The following MAP7 variants were observed in gnomAD, a reference collection of about 807,000 sequenced individuals.
The protein encoded by MAP7 is ensconsin.
In MAP7, 52 loss-of-function variants were observed where a neutral mutation model predicts 94.8. That is an observed-to-expected ratio of 0.55 (90% CI 0.44 to 0.69). MAP7 has a LOEUF of 0.69. MAP7 is among the 30% of genes least tolerant of loss of function. MAP7 has a pLI of 0.00. For missense variants in MAP7, 940 were observed against 964.6 expected (o/e 0.97, Z 0.34); for synonymous variants, 350 against 357.0 (o/e 0.98, Z 0.22).
At chr6:136,548,088 A>G (rs1411048760) in intron 1 of MAP7, among the ~76,000 whole-genome samples, 4 of 101,670 alleles carry the variant, frequency 3.9e-5, no homozygotes, top group African/African-American at 1.4e-4. Context: ...ACGGCCACCC[A>G]CCACCACCAC....
intron 11 of MAP7, among the ~76,000 whole-genome samples, 182 bp downstream of exon 11, chr6:136,362,265 AAAG>A (rs754125900): frequency 5.9e-5 from 9 of 152,218 alleles, no homozygotes; most frequent in African/African-American, 1.7e-4. Context: ...TATTTAAAAA[AAAG>A]AAGAAGATGT....
rs753379906 is a variant in MAP7 at position 136,365,804 on chromosome 6, C to T, written c.1204G>A (p.Ala402Thr). Residue 402 changes from alanine (A) to threonine (T), a missense_variant, in exon 10 of 18, where the codon GCA (alanine) becomes ACA (threonine). By Grantham distance (58) the Ala-to-Thr change is moderately conservative. Coordinates refer to ENST00000354570, the MANE Select transcript of MAP7 (RefSeq NM_003980.6). ...GCTTCTTCTACCTTCACTAAAGGTG[C>T]TCTGCCCTTTAGTGAGGGCTCATTG... Reference protein sequence around the residue: ...VANEPSLKGRAPLVKVEEATV... With the variant: ...VANEPSLKGRTPLVKVEEATV... 6.2e-7 allele frequency: 1 copy of T among 1,614,092 alleles called. No homozygotes were observed. The highest frequency in any genetic ancestry group is 1.7e-5 in the Admixed American group (1 of 60,024).
chr6:136,359,405 G>C (rs1345423935), intron 15 of MAP7, among the ~76,000 whole-genome samples: 3 of 152,082 alleles, frequency 2.0e-5, no homozygotes, highest in Non-Finnish European at 4.4e-5. Context: ...GTTGTCCAAT[G>C]TGTAAATTTA....
chr6:136,359,704 G>C (rs1169702225), intron 15 of MAP7, 116 bp downstream of exon 15: 1 of 934,820 alleles, frequency 1.1e-6, no homozygotes, highest in East Asian at 2.4e-5. Context: ...AAGCTTCTGT[G>C]AGTCTGTAAG....
intron 3 of MAP7, among the ~76,000 whole-genome samples, chr6:136,410,754 AG>A (rs1787189035): frequency 6.6e-6 from 1 of 152,238 alleles, no homozygotes; most frequent in Non-Finnish European, 1.5e-5. Context: ...AGAATAATAA[AG>A]GGATGAGATA....
chr6:136,484,879 G>C lies in MAP7; in HGVS notation c.68-63080C>G, dbSNP rs3778309. Reference sequence around the variant, plus strand: ...GGTTAATTTTTATCTTTTTTTTGTAGAGCAAGGGTCTTACTATGTTTCCCA... The same window carrying C: ...GGTTAATTTTTATCTTTTTTTTGTACAGCAAGGGTCTTACTATGTTTCCCA... On this transcript the variant is annotated intron_variant, in intron 1 of 17. Transcript: ENST00000354570. 0.012 allele frequency among the ~76,000 whole-genome samples: 1,877 copies of C among 152,022 alleles called. 85 individuals are homozygous for C. The East Asian group carries it at 0.14, about 11-fold the overall frequency.
chr6:136,354,231 A>T (rs1790144367), intron 16 of MAP7, among the ~76,000 whole-genome samples: 1 of 145,060 alleles, frequency 6.9e-6, no homozygotes, highest in Admixed American at 7.0e-5. Context: ...AATTCTTTTA[A>T]ATTCCTATAA....
intron 1 of MAP7, among the ~76,000 whole-genome samples, chr6:136,472,306 G>C (rs747441849): frequency 8.5e-5 from 13 of 152,138 alleles, no homozygotes; most frequent in Non-Finnish European, 1.8e-4. Flanking sequence ...GACAGCTGGA[G>C]TCCTATGTTA....
chr6:136,387,181 T>C (rs768553634), intron 5 of MAP7, among the ~76,000 whole-genome samples: 1 of 151,954 alleles, frequency 6.6e-6, no homozygotes, highest in Non-Finnish European at 1.5e-5. Flanking sequence ...GAGAACAGAA[T>C]AAGCAAACAA....
Position 136,550,381 on chromosome 6 carries a change from C to T in MAP7, c.28G>A (p.Gly10Ser), listed in dbSNP as rs767620454. 16 of 1,529,782 alleles carry T rather than the reference C, an allele frequency of 1.0e-5. No homozygotes were observed. The highest frequency in any genetic ancestry group is 1.3e-5 in the Non-Finnish European group (15 of 1,146,780). The allele number at this position is 1,529,782 out of a possible 1,614,324, so 94.8% of individuals were successfully genotyped here. The change falls in exon 1 of 18, where the codon GGC becomes AGC. Residue 10 changes from glycine (G) to serine (S), a missense_variant. Gly to Ser is a moderately conservative substitution (Grantham distance 56, BLOSUM62 0). Coordinates refer to ENST00000354570, the MANE Select transcript of MAP7 (RefSeq NM_003980.6). The surrounding 1 kb of genome is among the most constrained non-coding windows in gnomAD (Gnocchi z 5.1). MAELGAGGD[G>S]HRGGDGAVRS... ...ACTGCGCCGTCGCCGCCCCTGTGGC[C>T]GTCGCCGCCAGCTCCTAGCTCCGCC...
chr6:136,501,659 T>C lies in MAP7; in HGVS notation c.67+48683A>G, dbSNP rs190131965. ...ATTTTTATGCCCAGATGGCTTTTTT[T>C]ATATATTGCACATGTCAAACTTAAG... is the stretch of plus-strand genomic sequence containing the variant. On this transcript the variant is annotated intron_variant, in intron 1 of 17. Transcript: ENST00000354570. Among the ~76,000 whole-genome samples the C allele has an allele frequency of 5.3e-5, 8 of 152,324 alleles. No homozygotes were observed. The East Asian group carries it at 1.2e-3, about 22-fold the overall frequency.
At chr6:136,457,401 T>C (rs1004740267) in intron 1 of MAP7, among the ~76,000 whole-genome samples, 2 of 151,658 alleles carry the variant, frequency 1.3e-5, no homozygotes, top group African/African-American at 4.8e-5. Context: ...ATTTAAAGAA[T>C]TAATGCCAAT....
chr6:136,350,693 A>AT (rs1345946115), intron 16 of MAP7, among the ~76,000 whole-genome samples: 3 of 152,252 alleles, frequency 2.0e-5, no homozygotes, highest in Admixed American at 2.0e-4. Flanking sequence ...TCTCTATAAA[A>AT]ATATATATGT....
chr6:136,376,154 A>G (rs1365398236), intron 7 of MAP7, among the ~76,000 whole-genome samples: 1 of 151,888 alleles, frequency 6.6e-6, no homozygotes, highest in African/African-American at 2.4e-5. Context: ...GCTGGAGTGC[A>G]GTGGTGTGAT....
At chr6:136,439,894 T>C (rs529851649) in intron 1 of MAP7, among the ~76,000 whole-genome samples, 4 of 152,332 alleles carry the variant, frequency 2.6e-5, no homozygotes, top group African/African-American at 9.6e-5. Context: ...AGGGAGTGGC[T>C]GGCTCACGGG....
chr6:136,346,109 TAA>T (rs758445733), intron 16 of MAP7, 30 bp from the exon 17 acceptor site: 3 of 1,408,308 alleles, frequency 2.1e-6, no homozygotes, highest in East Asian at 2.3e-5. Flanking sequence ...AAAATAGAAA[TAA>T]GTTAGTCTTA....
chr6:136,477,468 T>C (rs1321015531), intron 1 of MAP7, among the ~76,000 whole-genome samples: 1 of 152,140 alleles, frequency 6.6e-6, no homozygotes, highest in Non-Finnish European at 1.5e-5. Flanking sequence ...CTTTATAAAG[T>C]CTATAGATTA....
chr6:136,392,625 A>C (rs1252477476), intron 3 of MAP7, among the ~76,000 whole-genome samples: 2 of 152,116 alleles, frequency 1.3e-5, no homozygotes, highest in Non-Finnish European at 2.9e-5. Flanking sequence ...ATCCCTATGT[A>C]GATGTGTGAG....
chr6:136,515,710 T>C (rs1040411729), intron 1 of MAP7, among the ~76,000 whole-genome samples: 1 of 152,242 alleles, frequency 6.6e-6, no homozygotes, highest in African/African-American at 2.4e-5. Flanking sequence ...TATGTGGGCA[T>C]GGTTTGTAGC....
Sources: allele counts gnomAD v4.1 joint callset (sites outside exome capture counted in the v4.1 genomes callset), GRCh38; gene constraint gnomAD v4.1.1; non-coding constraint Gnocchi (gnomAD v3.1); transcripts MANE v1.5; gene names NCBI Gene and HGNC (gene_info 2026-07-23, HGNC 2026-07-21).